Variants in TEX15 observed in about 807,000 individuals in gnomAD.
TEX15 encodes testis expressed 15, meiosis and synapsis associated.
A neutral mutation model predicts 237.3 loss-of-function variants in TEX15; 171 were observed. That is an observed-to-expected ratio of 0.72 (90% confidence interval 0.64 to 0.82). The LOEUF is 0.82. Among genes scored for constraint, TEX15 ranks in the 40% least tolerant of loss-of-function variants. The pLI is 0.00. For missense variants in TEX15, 3,750 were observed against 3,646.5 expected, an observed-to-expected ratio of 1.03 and a Z score of -0.73; for synonymous variants, 1,338 against 1,269.8, an observed-to-expected ratio of 1.05 and a Z score of -1.14.
chr8:30,865,362 C>T (rs1391465665), intron 5 of TEX15, among the ~76,000 whole-genome samples: 2 of 152,068 alleles, frequency 1.3e-5, no homozygotes, highest in Non-Finnish European at 2.9e-5. Flanking sequence ...CTGATGGCTT[C>T]ACCACTAAAT....
rs760388819 is a variant in TEX15 at position 30,844,560 on chromosome 8, AT to A, written c.5606del (p.Asn1869IlefsTer17). The A allele has an allele frequency of 6.2e-7, 1 of 1,612,950 alleles. No individual in the cohort carries two copies. Among genetic ancestry groups the A allele is most frequent in the African/African-American group, 1.3e-5 (1 of 74,858 alleles). On this transcript the variant is annotated frameshift_variant, in exon 8 of 11. Transcript: ENST00000643185. LOFTEE classifies it high-confidence loss of function. ...KRSMTEGSTV[N>X]TEYKNQKNQI... ...GATTCTTTTGATTTTTGTACTCAGT[AT>A]TAACAGTTGATCCTTCAGTCATGCT... is the stretch of plus-strand genomic sequence containing the variant.
chr8:30,901,665 G>A (rs990003796), intron 1 of TEX15, among the ~76,000 whole-genome samples: 8 of 152,192 alleles, frequency 5.3e-5, no homozygotes, highest in Non-Finnish European at 8.8e-5. Flanking sequence ...GAAATAAAAA[G>A]AAACAGAAGC....
At chr8:30,869,827 G>A (rs1585299595) in intron 4 of TEX15, among the ~76,000 whole-genome samples, 1 of 152,020 alleles carries the variant, frequency 6.6e-6, no homozygotes, top group East Asian at 1.9e-4. Context: ...GCTTGATAAC[G>A]TAACTGGGTA....
intron 2 of TEX15, among the ~76,000 whole-genome samples, chr8:30,894,044 T>C (rs1808846681): frequency 6.6e-6 from 1 of 152,232 alleles, no homozygotes; most frequent in Admixed American, 6.5e-5. Flanking sequence ...AGGTCTAATC[T>C]GCTTCTAGTC....
intron 3 of TEX15, among the ~76,000 whole-genome samples, chr8:30,881,609 AC>A (rs1808522840): frequency 5.6e-5 from 6 of 106,782 alleles, no homozygotes; most frequent in African/African-American, 3.1e-4. Context: ...TTCCATCTTG[AC>A]TTTTTATTTT....
chr8:30,851,702 T>C (rs1191308448), intron 7 of TEX15, among the ~76,000 whole-genome samples: 1 of 150,358 alleles, frequency 6.7e-6, no homozygotes, highest in Non-Finnish European at 1.5e-5. Flanking sequence ...TACTTAAGTT[T>C]AGACTGGGTG....
In TEX15 at chr8:30,843,385, T is replaced by C; in HGVS notation, c.6782A>G (p.Lys2261Arg). 6.2e-7 allele frequency: 1 copy of C among 1,613,034 alleles called. No individual in the cohort carries two copies. ...ATGTTCCAGACCATAAAGAGATATT[T>C]TAACACGTACTGCCTCGTTGTTCTT... Reference protein sequence around the residue: ...FIKNNEAVRVKISLYGLEHIF... With the variant: ...FIKNNEAVRVRISLYGLEHIF... Residue 2261 changes from lysine (K) to arginine (R), a missense_variant, in exon 8 of 11, where the codon AAA becomes AGA. By Grantham distance (26) the Lys-to-Arg change is conservative. Coordinates refer to ENST00000643185, the MANE Select transcript of TEX15 (RefSeq NM_001350162.2).
In TEX15 at chr8:30,846,002, T is replaced by C; in HGVS notation, c.4165A>G (p.Lys1389Glu). 1 of 1,613,084 alleles carries C rather than the reference T, an allele frequency of 6.2e-7. No individual in the cohort carries two copies. The highest frequency in any genetic ancestry group is 1.3e-5 in the African/African-American group (1 of 74,940). Residue 1389 changes from lysine (K) to glutamate (E), a missense_variant, in exon 8 of 11, where the codon AAA becomes GAA. Lys to Glu is a moderately conservative substitution (Grantham distance 56). Transcript: ENST00000643185. ...KLDKAVVHLK[K>E]AHRRVHTSLQ... is the part of the protein sequence containing the mutation. ...GATGTGTGAACTCTTCTATGAGCTTTTTTTAAGTGAACAACTGCTTTGTCT... is the reference window on the plus strand; with the variant it reads ...GATGTGTGAACTCTTCTATGAGCTTCTTTTAAGTGAACAACTGCTTTGTCT...
chr8:30,887,636 T>TA (rs1808683030), intron 2 of TEX15: 1 of 159,788 alleles, frequency 6.3e-6, no homozygotes, highest in African/African-American at 2.4e-5. Context: ...CCGTCTCTAC[T>TA]AAAAATACAA....
Position 30,847,388 on chromosome 8 carries a change from T to C in TEX15, c.2779A>G (p.Arg927Gly), listed in dbSNP as rs764277882. The C allele has an allele frequency of 4.3e-6, 7 of 1,613,342 alleles. No individual in the cohort carries two copies. Among genetic ancestry groups the C allele is most frequent in the Admixed American group, 1.7e-5 (1 of 59,956 alleles). Reference protein sequence around the residue: ...EFSTKFNLICREDNAVSAATA... With the variant: ...EFSTKFNLICGEDNAVSAATA... ...GCTGCTGACACTGCATTATCTTCTC[T>C]GCAAATCAAGTTAAATTTAGTAGAA... Residue 927 changes from arginine to glycine, a missense_variant, in exon 8 of 11, where the codon AGA becomes GGA. Transcript: ENST00000643185.
rs1408465900 is a variant in TEX15 at position 30,832,409 on chromosome 8, A to T, written c.*877T>A. ...ATAGCTGTTGAGCAAGAAAGGTAAT[A>T]CATGAAAAGAGACAGCTCAAGACTG... is the stretch of plus-strand genomic sequence containing the variant. On this transcript the variant is annotated 3_prime_UTR_variant, in exon 11 of 11. Transcript: ENST00000643185. 6.6e-6 allele frequency: 1 copy of T among 152,234 alleles called. No individual in the cohort carries two copies. Among genetic ancestry groups the T allele is most frequent in the Non-Finnish European group, 1.5e-5 (1 of 68,038 alleles). The allele number at this position is 152,234 out of a possible 1,614,324, so 9.4% of individuals were successfully genotyped here.
At position 30,859,918 on chromosome 8, in the gene TEX15, C is replaced by CT. The variant is rs1175077354; in HGVS notation, c.679dup (p.Ser227LysfsTer8). The CT allele has an allele frequency of 6.3e-5, 94 of 1,485,804 alleles. No homozygotes were observed. Among genetic ancestry groups the CT allele is most frequent in the Non-Finnish European group, 8.2e-5 (92 of 1,128,330 alleles). 92.0% of individuals were successfully genotyped at this position (1,485,804 alleles called of 1,614,324 possible). On this transcript the variant is annotated frameshift_variant, in exon 6 of 11. Transcript: ENST00000643185. LOFTEE classifies it high-confidence loss of function. Reference sequence around the variant, plus strand: ...AATGAACCATTAACATACTGCTGAACTGTAGGCTTGCAGTTCAATGGTATC... The same window carrying CT: ...AATGAACCATTAACATACTGCTGAACTTGTAGGCTTGCAGTTCAATGGTATC...
chr8:30,836,783 C>A lies in TEX15; in HGVS notation c.9481+20G>T. On this transcript the variant is annotated intron_variant, in intron 10 of 10. Transcript: ENST00000643185. ...AAAAGTAACAACTCAATAAAGCAGG[C>A]ATTAAAATGTGAAACTCACCATAAA... The A allele has an allele frequency of 6.4e-7, 1 of 1,559,718 alleles. No homozygotes were observed. Among genetic ancestry groups the A allele is most frequent in the Non-Finnish European group, 8.7e-7 (1 of 1,153,902 alleles).
At chr8:30,834,721 G>A (rs565584689) in intron 10 of TEX15, among the ~76,000 whole-genome samples, 22 of 152,310 alleles carry the variant, frequency 1.4e-4, no homozygotes, top group Middle Eastern at 6.8e-3. Context: ...GGTGGAAGTG[G>A]TGGCAGATGA....
chr8:30,859,561 T>G (rs1563252720), intron 6 of TEX15, among the ~76,000 whole-genome samples: 1 of 152,096 alleles, frequency 6.6e-6, no homozygotes, highest in East Asian at 1.9e-4. Flanking sequence ...GGTGAGACAT[T>G]GGAAATTTAC....
chr8:30,900,927 G>A (rs1048086999), intron 1 of TEX15, among the ~76,000 whole-genome samples: 2 of 152,226 alleles, frequency 1.3e-5, no homozygotes, highest in African/African-American at 4.8e-5. Flanking sequence ...GGAGGCCAAG[G>A]CAGGAAGCTT....
In TEX15 at chr8:30,846,073, CTTAGGATAT is replaced by C. The variant is rs758819898; in HGVS notation, c.4085_4093del (p.Asn1362_Leu1364del). 2.5e-6 allele frequency: 4 copies of C among 1,613,346 alleles called. No homozygotes were observed. In the East Asian group the frequency reaches 8.9e-5, roughly 36 times the overall value. ...GCTTTTACATAAAGATGCTTCATCACTTAGGATATTTAGGACACTCTTAATGTGCTTTTC... is the reference window on the plus strand; with the variant it reads ...GCTTTTACATAAAGATGCTTCATCACTTAGGACACTCTTAATGTGCTTTTC... On this transcript the variant is annotated inframe_deletion, in exon 8 of 11. Coordinates refer to ENST00000643185, the MANE Select transcript of TEX15 (RefSeq NM_001350162.2).
At chr8:30,865,548 C>T (rs1365820687) in intron 5 of TEX15, among the ~76,000 whole-genome samples, 2 of 152,018 alleles carry the variant, frequency 1.3e-5, no homozygotes, top group Non-Finnish European at 2.9e-5. Flanking sequence ...TAAAAATCCT[C>T]AACAAAAGAT....
chr8:30,831,719 A>G lies in TEX15; in HGVS notation c.*1567T>C, dbSNP rs1256120902. On this transcript the variant is annotated 3_prime_UTR_variant, in exon 11 of 11. Transcript: ENST00000643185. ...TAAAGAAACAATCCTTAACTAGAAT[A>G]TTTAACTTTTGGTTTACATATTAGT... 2 of 152,246 alleles carry G rather than the reference A, an allele frequency of 1.3e-5. No homozygotes were observed. Among genetic ancestry groups the G allele is most frequent in the Non-Finnish European group, 1.5e-5 (1 of 68,030 alleles). The allele number at this position is 152,246 out of a possible 1,614,324, so 9.4% of individuals were successfully genotyped here.
Sources: allele counts gnomAD v4.1 joint callset (sites outside exome capture counted in the v4.1 genomes callset), GRCh38; gene constraint gnomAD v4.1.1; transcripts MANE v1.5; gene names NCBI Gene and HGNC (gene_info 2026-07-23, HGNC 2026-07-21).